The following PRKCE variants were observed in gnomAD, a reference collection of about 807,000 sequenced individuals.
PRKCE encodes the protein protein kinase C epsilon type.
Under a neutral mutation model 85.4 loss-of-function variants are expected in PRKCE, and 16 were observed. That is an observed-to-expected ratio of 0.19 (90% CI 0.13 to 0.28). PRKCE has a LOEUF of 0.28. Ranked by LOEUF, PRKCE falls within the 10% of genes least tolerant of loss-of-function variation. The probability of loss-of-function intolerance (pLI) is 1.00; values close to 1 mark genes in which losing one functional copy is unlikely to be tolerated. For missense variants in PRKCE, 573 were observed against 975.2 expected, an observed-to-expected ratio of 0.59 and a Z score of 5.49; for synonymous variants, 388 against 371.5, an observed-to-expected ratio of 1.04 and a Z score of -0.51.
intron 2 of PRKCE, among the ~76,000 whole-genome samples, chr2:45,900,263 A>G (rs986968883): frequency 6.6e-6 from 1 of 152,230 alleles, no homozygotes; most frequent in African/African-American, 2.4e-5. Context: ...AACACTAGGT[A>G]TACATCCCAA....
intron 10 of PRKCE, among the ~76,000 whole-genome samples, chr2:46,085,484 C>T (rs893855993): frequency 2.0e-5 from 3 of 152,132 alleles, no homozygotes; most frequent in African/African-American, 7.2e-5. Context: ...AAGGTGCTGG[C>T]TAGGCTGTTC....
chr2:45,723,696 C>A (rs1018374573), intron 1 of PRKCE, among the ~76,000 whole-genome samples: 3 of 152,190 alleles, frequency 2.0e-5, no homozygotes, highest in Non-Finnish European at 2.9e-5. Context: ...CCTCCGCCTT[C>A]CGGTTTCAAG....
At chr2:45,821,280 C>T (rs1162248023) in intron 1 of PRKCE, among the ~76,000 whole-genome samples, 1 of 152,200 alleles carries the variant, frequency 6.6e-6, no homozygotes, top group East Asian at 1.9e-4. Flanking sequence ...AGGTAATTAT[C>T]TCCCCTAAGT....
At position 45,817,066 on chromosome 2, in the gene PRKCE, A is replaced by AGTGTGTGTGTGT. The variant is rs200785601; in HGVS notation, c.349-25901_349-25890dup. Among the ~76,000 whole-genome samples, 959 of 135,858 alleles carry AGTGTGTGTGTGT rather than the reference A, an allele frequency of 7.1e-3. 6 individuals carry two copies. Among genetic ancestry groups the AGTGTGTGTGTGT allele is most frequent in the Middle Eastern group, 0.011 (3 of 268 alleles). The allele number at this position is 135,858 out of a possible 152,430, so 89.1% of individuals were successfully genotyped here. On this transcript the variant is annotated intron_variant, in intron 1 of 14. Coordinates refer to ENST00000306156, the MANE Select transcript of PRKCE (RefSeq NM_005400.3). Reference sequence around the variant, plus strand: ...GACTCAAATTATATACTGTAAGTAGAGTGTGTGTGTGTGTGTGTGTGTGTG... The same window carrying AGTGTGTGTGTGT: ...GACTCAAATTATATACTGTAAGTAGAGTGTGTGTGTGTGTGTGTGTGTGTGTGTGTGTGTGTG...
intron 13 of PRKCE, among the ~76,000 whole-genome samples, chr2:46,152,423 C>A (rs1483113444): frequency 6.6e-6 from 1 of 151,742 alleles, no homozygotes; most frequent in African/African-American, 2.4e-5. Context: ...CTCAGGTGAT[C>A]CGCCCACCTC....
At chr2:45,765,765 C>G (rs1437919006) in intron 1 of PRKCE, among the ~76,000 whole-genome samples, 7 of 152,210 alleles carry the variant, frequency 4.6e-5, no homozygotes. Flanking sequence ...TGGGCTGTCT[C>G]CAGAGCAGCT....
In PRKCE at chr2:46,156,352, T is replaced by C. The variant is rs139321561; in HGVS notation, c.1921-3254T>C. On this transcript the variant is annotated intron_variant, in intron 13 of 14. Coordinates refer to ENST00000306156, the MANE Select transcript of PRKCE (RefSeq NM_005400.3). ...CCTTGCCCATCACACTGTCAGAGCC[T>C]GCTGTGCTTCTCTCAGGGAGTTCAT... Among the ~76,000 whole-genome samples the C allele has an allele frequency of 1.2e-4, 19 of 152,198 alleles. No individual in the cohort carries two copies. In the East Asian group the frequency reaches 3.7e-3, roughly 29 times the overall value.
Position 46,055,368 on chromosome 2 carries a change from C to G in PRKCE, c.1438-30840C>G, listed in dbSNP as rs369360087. Reference sequence around the variant, plus strand: ...GCGGGACCAGGTGAGTGGAGTCTGCCCCTGCCAGCACCGAAGCGGCTGGCT... The same window carrying G: ...GCGGGACCAGGTGAGTGGAGTCTGCGCCTGCCAGCACCGAAGCGGCTGGCT... On this transcript the variant is annotated intron_variant, in intron 10 of 14. Transcript: ENST00000306156. Among the ~76,000 whole-genome samples, 33 of 152,332 alleles carry G rather than the reference C, an allele frequency of 2.2e-4. 2 individuals are homozygous for G. In the South Asian group the frequency reaches 6.6e-3, roughly 31 times the overall value.
At chr2:45,803,819 C>A (rs1416828086) in intron 1 of PRKCE, among the ~76,000 whole-genome samples, 1 of 152,120 alleles carries the variant, frequency 6.6e-6, no homozygotes. Context: ...CTGTAAATTT[C>A]ATTAATTTAC....
chr2:46,084,718 CAAAAAA>C (rs11314680), intron 10 of PRKCE, among the ~76,000 whole-genome samples: 3 of 92,230 alleles, frequency 3.3e-5, no homozygotes, highest in Non-Finnish European at 2.1e-5. Flanking sequence ...GAGACTCCAT[CAAAAAA>C]AAAAAAAAAA....
chr2:46,135,779 A>T (rs372302664), intron 11 of PRKCE, among the ~76,000 whole-genome samples: 5 of 27,628 alleles, frequency 1.8e-4, no homozygotes, highest in East Asian at 4.8e-3. Context: ...TTTTTAATGT[A>T]GGGGAAGTAG....
At chr2:45,972,948 C>G (rs1362155214) in intron 2 of PRKCE, among the ~76,000 whole-genome samples, 1 of 152,156 alleles carries the variant, frequency 6.6e-6, no homozygotes, top group Middle Eastern at 3.2e-3. Flanking sequence ...ACAGCCAAAG[C>G]AATTCTGAGT....
At chr2:46,036,873 A>G (rs560686255) in intron 10 of PRKCE, among the ~76,000 whole-genome samples, 115 of 152,292 alleles carry the variant, frequency 7.6e-4, no homozygotes, top group African/African-American at 2.4e-3. Flanking sequence ...TGTCGGGGCT[A>G]TGTGTAGAGG....
chr2:46,083,185 A>G (rs1201238103), intron 10 of PRKCE, among the ~76,000 whole-genome samples: 2 of 152,200 alleles, frequency 1.3e-5, no homozygotes, highest in African/African-American at 2.4e-5. Flanking sequence ...TCCTGGCCTC[A>G]AGTGATCTGC....
At chr2:45,984,825 A>C in intron 6 of PRKCE, 145 bp downstream of exon 6, 1 of 1,190,248 alleles carries the variant, frequency 8.4e-7, no homozygotes, top group Non-Finnish European at 1.1e-6. Context: ...TGCATTAGTA[A>C]CTCTGTGCAT....
intron 2 of PRKCE, among the ~76,000 whole-genome samples, chr2:45,911,177 T>A (rs1697355212): frequency 6.6e-6 from 1 of 152,246 alleles, no homozygotes; most frequent in Admixed American, 6.5e-5. Flanking sequence ...GGGTTTTTCT[T>A]TACAAATTTC....
At position 46,001,367 on chromosome 2, in the gene PRKCE, G is replaced by A. The variant is rs1428161738; in HGVS notation, c.824-37G>A. 1.9e-6 allele frequency: 3 copies of A among 1,576,140 alleles called. No individual in the cohort carries two copies. The highest frequency in any genetic ancestry group is 2.6e-6 in the Non-Finnish European group (3 of 1,163,788). On this transcript the variant is annotated intron_variant, in intron 6 of 14. Coordinates refer to ENST00000306156, the MANE Select transcript of PRKCE (RefSeq NM_005400.3). This position sits in a 1 kb window ranked among gnomAD's most constrained non-coding sequence, Gnocchi z 4.4. Reference sequence around the variant, plus strand: ...GAAAAGAAGCAACATCTTAGGCCATGAACACTTATCTGTCTTTTCTCCATG... The same window carrying A: ...GAAAAGAAGCAACATCTTAGGCCATAAACACTTATCTGTCTTTTCTCCATG...
intron 1 of PRKCE, among the ~76,000 whole-genome samples, chr2:45,664,361 G>A (rs1203891380): frequency 1.3e-5 from 2 of 152,190 alleles, no homozygotes; most frequent in Admixed American, 1.3e-4. Flanking sequence ...TCCATAAAAT[G>A]GGAATAATAG....
At chr2:46,169,237 T>C (rs576788406) in intron 14 of PRKCE, among the ~76,000 whole-genome samples, 1 of 152,312 alleles carries the variant, frequency 6.6e-6, no homozygotes, top group African/African-American at 2.4e-5. Context: ...CCATTGTTTG[T>C]GCTGGGGAGG....
Sources: gnomAD v4.1 joint callset for allele counts (sites outside exome capture counted in the v4.1 genomes callset) on GRCh38, gnomAD v4.1.1 for gene constraint, Gnocchi (gnomAD v3.1) non-coding constraint, MANE v1.5 for transcripts, NCBI Gene and HGNC (gene_info 2026-07-23, HGNC 2026-07-21) for gene names.